The following OTOGL variants were observed in gnomAD, a reference collection of about 807,000 sequenced individuals.
The protein encoded by OTOGL is otogelin-like protein.
In OTOGL, 285 loss-of-function variants were observed where a neutral mutation model predicts 318.5. That is an observed-to-expected ratio of 0.89 (90% CI 0.81 to 0.99). The LOEUF (loss-of-function observed/expected upper bound fraction) is 0.99, where lower values mean the gene tolerates loss of function less well. Ranked by LOEUF, OTOGL falls within the 50% of genes least tolerant of loss-of-function variation. The pLI is 0.00. For missense variants in OTOGL, 2,899 were observed against 2,845.6 expected, an observed-to-expected ratio of 1.02 and a Z score of -0.43; for synonymous variants, 987 against 936.5, an observed-to-expected ratio of 1.05 and a Z score of -0.99.
intron 26 of OTOGL, among the ~76,000 whole-genome samples, chr12:80,289,220 C>T (rs960282791): frequency 1.2e-4 from 19 of 152,146 alleles, no homozygotes; most frequent in Non-Finnish European, 2.2e-4. Context: ...GTGTTACCTG[C>T]GGAGGCTGCA....
intron 1 of OTOGL, among the ~76,000 whole-genome samples, chr12:80,116,496 G>A (rs952407418): frequency 6.6e-6 from 1 of 152,046 alleles, no homozygotes; most frequent in African/African-American, 2.4e-5. Flanking sequence ...TTCCTATTTA[G>A]CCATCTTGCC....
chr12:80,179,188 C>A (rs879018984), intron 1 of OTOGL, among the ~76,000 whole-genome samples: 1 of 152,124 alleles, frequency 6.6e-6, no homozygotes, highest in African/African-American at 2.4e-5. Flanking sequence ...AAGGAATACT[C>A]GAGCTTTCTT....
At position 80,336,503 on chromosome 12, in the gene OTOGL, G is replaced by A. The variant is rs756290026; in HGVS notation, c.4691G>A (p.Arg1564Lys). 1 of 1,609,998 alleles carries A rather than the reference G, an allele frequency of 6.2e-7. No individual in the cohort carries two copies. The highest frequency in any genetic ancestry group is 8.5e-7 in the Non-Finnish European group (1 of 1,176,978). ...AGCATGGCTTCTTATATCTTAGTAA[G>A]AATTCCTGGTGAAATTATAGTTGCT... ...LYSMASYILV[R>K]IPGEIIVAHI... The change falls in exon 40 of 59, where the codon AGA becomes AAA. Residue 1564 changes from arginine to lysine, a missense_variant. Around this residue, in one of 3 missense-constraint regions of OTOGL, gnomAD observed 2,607 missense variants for 2,524.9 expected, o/e 1.03. Transcript: ENST00000547103.
At chr12:80,276,109 C>T (rs1170479835) in intron 24 of OTOGL, among the ~76,000 whole-genome samples, 1 of 151,612 alleles carries the variant, frequency 6.6e-6, no homozygotes, top group Non-Finnish European at 1.5e-5. Flanking sequence ...TTATGAAAAA[C>T]TCATCAGTCA....
Position 80,352,399 on chromosome 12 carries a change from T to G in OTOGL, c.5370T>G (p.Phe1790Leu). ...LSAYVALCNK[F>L]DICIQWRTPD... is the part of the protein sequence containing the mutation. Reference sequence around the variant, plus strand: ...CATATGTGGCTCTGTGCAACAAGTTTGATATCTGTATTCAGTGGAGAACAC... The same window carrying G: ...CATATGTGGCTCTGTGCAACAAGTTGGATATCTGTATTCAGTGGAGAACAC... Residue 1790 changes from phenylalanine to leucine, a missense_variant, in exon 45 of 59, where the codon TTT becomes TTG. Physicochemically the swap from Phe to Leu is conservative, Grantham distance 22. Around this residue, in one of 3 missense-constraint regions of OTOGL, gnomAD observed 2,607 missense variants for 2,524.9 expected, o/e 1.03. Transcript: ENST00000547103. 2.5e-6 allele frequency: 4 copies of G among 1,612,194 alleles called. No homozygotes were observed. The highest frequency in any genetic ancestry group is 3.4e-6 in the Non-Finnish European group (4 of 1,178,876).
chr12:80,267,008 T>C (rs141858586), intron 21 of OTOGL, among the ~76,000 whole-genome samples: 7 of 152,310 alleles, frequency 4.6e-5, no homozygotes, highest in African/African-American at 9.6e-5. Context: ...TTCAGTGATT[T>C]TTCTTGTGAC....
At chr12:80,188,313 G>C (rs1565893007) in intron 1 of OTOGL, among the ~76,000 whole-genome samples, 2 of 152,014 alleles carry the variant, frequency 1.3e-5, no homozygotes, top group African/African-American at 4.8e-5. Flanking sequence ...GCCGAGGCGG[G>C]CAGATCACGA....
intron 1 of OTOGL, among the ~76,000 whole-genome samples, chr12:80,167,804 C>T (rs1212058002): frequency 6.6e-6 from 1 of 150,902 alleles, no homozygotes; most frequent in African/African-American, 2.5e-5. Context: ...TTTGTTTAGC[C>T]TCTTACCACA....
At chr12:80,288,321 G>T (rs763405873) in intron 26 of OTOGL, among the ~76,000 whole-genome samples, 5 of 152,076 alleles carry the variant, frequency 3.3e-5, no homozygotes, top group Non-Finnish European at 7.4e-5. Context: ...CTCTCTGGCT[G>T]CCCTTAATAT....
chr12:80,296,517 G>A (rs1449340986), intron 26 of OTOGL, among the ~76,000 whole-genome samples: 1 of 152,056 alleles, frequency 6.6e-6, no homozygotes, highest in Non-Finnish European at 1.5e-5. Flanking sequence ...GTGACATATT[G>A]TTTTGTTGAT....
intron 44 of OTOGL, among the ~76,000 whole-genome samples, chr12:80,344,921 A>G (rs1488654743): frequency 2.7e-5 from 4 of 149,082 alleles, no homozygotes; most frequent in African/African-American, 9.8e-5. Context: ...AACAAAAGAA[A>G]GTTAATTTGC....
chr12:80,107,676 A>G (rs973211438), intron 1 of OTOGL, among the ~76,000 whole-genome samples: 1 of 152,284 alleles, frequency 6.6e-6, no homozygotes, highest in Non-Finnish European at 1.5e-5. Flanking sequence ...GCTGTTTACA[A>G]AAACAAAGAC....
At chr12:80,184,333 AT>A (rs1047738211) in intron 1 of OTOGL, among the ~76,000 whole-genome samples, 1 of 152,098 alleles carries the variant, frequency 6.6e-6, no homozygotes, top group Non-Finnish European at 1.5e-5. Flanking sequence ...CATCACTTTA[AT>A]TTTTTCCTTT....
intron 28 of OTOGL, 95 bp downstream of exon 28, chr12:80,302,878 A>C: frequency 8.8e-7 from 1 of 1,133,580 alleles, no homozygotes; most frequent in Non-Finnish European, 1.1e-6. Context: ...GTTTTCCTTT[A>C]AGAACTAGGT....
chr12:80,366,498 TTA>T (rs1232989103), intron 52 of OTOGL, 74 bp from the exon 53 acceptor site: 4 of 143,918 alleles, frequency 2.8e-5, no homozygotes, highest in Admixed American at 1.1e-4. Context: ...ATCAATTGTT[TTA>T]TATATATAGG....
At chr12:80,127,622 T>C (rs1158837021) in intron 1 of OTOGL, among the ~76,000 whole-genome samples, 1 of 152,238 alleles carries the variant, frequency 6.6e-6, no homozygotes, top group Non-Finnish European at 1.5e-5. Flanking sequence ...CTGCATAATA[T>C]CCTGCAGAGT....
chr12:80,174,343 G>T (rs1874393488), intron 1 of OTOGL, among the ~76,000 whole-genome samples: 1 of 152,154 alleles, frequency 6.6e-6, no homozygotes, highest in Non-Finnish European at 1.5e-5. Context: ...TTTCGAAACA[G>T]AATTTTTCTC....
intron 20 of OTOGL, chr12:80,266,013 G>A (rs761382490): frequency 5.2e-5 from 8 of 154,158 alleles, no homozygotes; most frequent in Non-Finnish European, 1.0e-4. Flanking sequence ...TCTATACTAT[G>A]AGCCAGTTTC....
chr12:80,352,046 A>G lies in OTOGL; in HGVS notation c.5266-249A>G, dbSNP rs1889582189. Among the ~76,000 whole-genome samples, 5 of 152,216 alleles carry G rather than the reference A, an allele frequency of 3.3e-5. No homozygotes were observed. In the South Asian group the frequency reaches 1.0e-3, roughly 31 times the overall value. ...TAGAAATAAATTTTTGCTTGGCTCCACATACTCTGTTTTCTTTTCCATCTT... is the reference window on the plus strand; with the variant it reads ...TAGAAATAAATTTTTGCTTGGCTCCGCATACTCTGTTTTCTTTTCCATCTT... On this transcript the variant is annotated intron_variant, in intron 44 of 58. Coordinates refer to ENST00000547103, the MANE Select transcript of OTOGL (RefSeq NM_001378609.3).
Sources: gnomAD v4.1 joint callset for allele counts (sites outside exome capture counted in the v4.1 genomes callset) on GRCh38, gnomAD v4.1.1 for gene constraint, gnomAD v4.1.1 regional missense constraint, MANE v1.5 for transcripts, NCBI Gene and HGNC (gene_info 2026-07-23, HGNC 2026-07-21) for gene names.